Variants in CUBN observed in about 807,000 individuals in gnomAD.
CUBN encodes the protein 460 kDa receptor.
A neutral mutation model predicts 405.3 loss-of-function variants in CUBN; 282 were observed. That is an observed-to-expected ratio of 0.70 (90% CI 0.63 to 0.77). CUBN has a LOEUF of 0.77. Among genes scored for constraint, CUBN ranks in the 30% least tolerant of loss-of-function variants. The pLI, the probability that CUBN is intolerant of heterozygous loss-of-function variation, is 0.00. For missense variants in CUBN, 4,514 were observed against 4,475.2 expected, an observed-to-expected ratio of 1.01 and a Z score of -0.25; for synonymous variants, 1,684 against 1,617.0, an observed-to-expected ratio of 1.04 and a Z score of -0.99.
At chr10:17,106,597 C>T (rs1438459880) in intron 10 of CUBN, among the ~76,000 whole-genome samples, 1 of 111,156 alleles carries the variant, frequency 9.0e-6, no homozygotes, top group Non-Finnish European at 1.8e-5. Flanking sequence ...AACGCCATCT[C>T]AAAAAAAAAA....
chr10:16,855,085 CT>C (rs1280699934), intron 59 of CUBN, among the ~76,000 whole-genome samples: 5 of 130,302 alleles, frequency 3.8e-5, no homozygotes, highest in Admixed American at 1.5e-4. Context: ...CTCCCCTCCC[CT>C]CCCTCCCTCC....
chr10:16,938,650 T>C (rs529145776), intron 38 of CUBN, among the ~76,000 whole-genome samples: 120 of 152,064 alleles, frequency 7.9e-4, no homozygotes, highest in African/African-American at 2.8e-3. Flanking sequence ...TACTCTAACA[T>C]AAAAACAAAG....
chr10:16,989,085 T>A (rs951116532), intron 29 of CUBN, among the ~76,000 whole-genome samples: 1 of 152,162 alleles, frequency 6.6e-6, no homozygotes, highest in African/African-American at 2.4e-5. Flanking sequence ...GCTGGGAATA[T>A]AGCAGTAAAA....
At chr10:17,078,761 C>A (rs751956265) in intron 17 of CUBN, among the ~76,000 whole-genome samples, 17 of 152,116 alleles carry the variant, frequency 1.1e-4, no homozygotes, top group Non-Finnish European at 2.1e-4. Context: ...TTTAGTAACA[C>A]AGAGAGCTGA....
Position 16,851,282 on chromosome 10 carries a change from G to A in CUBN, c.9616C>T (p.Leu3206=). 1 of 1,614,156 alleles carries A rather than the reference G, an allele frequency of 6.2e-7. No individual in the cohort carries two copies. The highest frequency in any genetic ancestry group is 8.5e-7 in the Non-Finnish European group (1 of 1,180,002). The change falls in exon 60 of 67, where the codon CTG becomes TTG. Residue 3206 remains leucine (L), a synonymous_variant. Transcript: ENST00000377833. ...VIHLTFNTFA[L]EAASTRQRCL... is the part of the protein sequence containing the mutation. ...CTTTGCCTAGTACTTGCTGCCTCCA[G>A]AGCAAATGTATTGAAGGTGAGGTGA... is the stretch of plus-strand genomic sequence containing the variant.
intron 6 of CUBN, among the ~76,000 whole-genome samples, chr10:17,116,439 G>C (rs1246068254): frequency 1.3e-5 from 2 of 152,186 alleles, no homozygotes; most frequent in African/African-American, 4.8e-5. Flanking sequence ...CTGATGGAGA[G>C]GTAGGGCCAG....
At chr10:16,961,107 C>T (rs1176797679) in intron 31 of CUBN, among the ~76,000 whole-genome samples, 1 of 152,144 alleles carries the variant, frequency 6.6e-6, no homozygotes, top group South Asian at 2.1e-4. Flanking sequence ...CAGGGTCTTA[C>T]CCTGTCACCC....
chr10:17,000,909 T>C (rs1833859868), intron 28 of CUBN, among the ~76,000 whole-genome samples: 1 of 152,248 alleles, frequency 6.6e-6, no homozygotes. Context: ...GGTGGGTTCT[T>C]GGTCTCGCTG....
intron 36 of CUBN, among the ~76,000 whole-genome samples, chr10:16,944,558 T>C (rs1842730719): frequency 6.6e-6 from 1 of 152,170 alleles, no homozygotes; most frequent in African/African-American, 2.4e-5. Flanking sequence ...TGGATAGAAT[T>C]TAGACCAGGG....
chr10:16,905,613 C>T (rs1000615471), intron 50 of CUBN, among the ~76,000 whole-genome samples: 3 of 152,244 alleles, frequency 2.0e-5, no homozygotes, highest in South Asian at 2.1e-4. Context: ...ACTCTCGCTT[C>T]GGCAAAAGTC....
chr10:16,920,078 TG>T lies in CUBN; in HGVS notation c.6705del (p.Asn2236ThrfsTer16), dbSNP rs1399359059. The T allele has an allele frequency of 2.5e-6, 4 of 1,613,956 alleles. No homozygotes were observed. The highest frequency in any genetic ancestry group is 3.4e-6 in the Non-Finnish European group (4 of 1,179,954). On this transcript the variant is annotated frameshift_variant, in exon 44 of 67. Transcript: ENST00000377833. LOFTEE classifies it high-confidence loss of function. ...TGCGGGGGATAATTATGAGGGTGGT[TG>T]GGGGAGGTCACATACCCAGCAGAAT... Reference protein sequence around the residue: ...DADSAGYVTSPNHPHNYPPHA... With the variant: ...DADSAGYVTSXNHPHNYPPHA...
chr10:16,852,857 A>G, intron 59 of CUBN, among the ~76,000 whole-genome samples: 1 of 152,228 alleles, frequency 6.6e-6, no homozygotes, highest in Non-Finnish European at 1.5e-5. Context: ...TTTTATTTAC[A>G]CAGTGTGATA....
chr10:17,047,514 G>A lies in CUBN; in HGVS notation c.3229C>T (p.Arg1077Trp), dbSNP rs1244222349. The A allele has an allele frequency of 4.3e-6, 7 of 1,613,524 alleles. No homozygotes were observed. The highest frequency in any genetic ancestry group is 1.7e-5 in the Admixed American group (1 of 59,990). ...NYPNNWECIY[R>W]ITVRTGQLIA... is the part of the protein sequence containing the mutation. ...AGTTGGCCAGTTCTCACTGTGATCCGATAAATGCATTCCCAGTTGTTGGGA... is the reference window on the plus strand; with the variant it reads ...AGTTGGCCAGTTCTCACTGTGATCCAATAAATGCATTCCCAGTTGTTGGGA... The change falls in exon 23 of 67, where the codon CGG becomes TGG. Residue 1077 changes from arginine (R) to tryptophan (W), a missense_variant. Arg to Trp is a moderately radical substitution (Grantham distance 101). Coordinates refer to ENST00000377833, the MANE Select transcript of CUBN (RefSeq NM_001081.4).
intron 45 of CUBN, 127 bp downstream of exon 45, chr10:16,918,495 G>A (rs571632702): frequency 1.4e-6 from 1 of 703,104 alleles, no homozygotes; most frequent in Non-Finnish European, 2.4e-6. Flanking sequence ...TAACTATTAG[G>A]TACTAGGCAT....
chr10:16,970,616 TAA>T (rs1389668796), intron 31 of CUBN, among the ~76,000 whole-genome samples: 1 of 151,254 alleles, frequency 6.6e-6, no homozygotes, highest in Non-Finnish European at 1.5e-5. Context: ...AGCCTGACCC[TAA>T]ATTTATTTTC....
intron 35 of CUBN, 91 bp downstream of exon 35, chr10:16,948,387 C>T: frequency 6.3e-7 from 1 of 1,575,130 alleles, no homozygotes; most frequent in Non-Finnish European, 8.7e-7. Flanking sequence ...AAACTGGCTC[C>T]CAACTACGAA....
At chr10:17,089,550 C>A (rs1010508672) in intron 14 of CUBN, among the ~76,000 whole-genome samples, 3 of 152,280 alleles carry the variant, frequency 2.0e-5, no homozygotes, top group East Asian at 1.9e-4. Flanking sequence ...AATTGAGATG[C>A]CATTTCTTAC....
At chr10:16,955,553 C>G (rs2131636237) in intron 31 of CUBN, among the ~76,000 whole-genome samples, 1 of 152,138 alleles carries the variant, frequency 6.6e-6, no homozygotes, top group Non-Finnish European at 1.5e-5. Context: ...AAATTTGAAG[C>G]TTACTAATTT....
chr10:17,080,356 C>T (rs1405522690), intron 17 of CUBN, among the ~76,000 whole-genome samples: 6 of 152,090 alleles, frequency 3.9e-5, no homozygotes, highest in South Asian at 2.1e-4. Context: ...TAGGGTTCAA[C>T]GCCACTTGTA....
Sources: allele counts gnomAD v4.1 joint callset (sites outside exome capture counted in the v4.1 genomes callset), GRCh38; gene constraint gnomAD v4.1.1; transcripts MANE v1.5; gene names NCBI Gene and HGNC (gene_info 2026-07-23, HGNC 2026-07-21).